Variants in AGMO observed in about 807,000 individuals in gnomAD.
AGMO encodes the protein glyceryl-ether monooxygenase.
AGMO carries 75 observed loss-of-function variants against 60.2 expected under a neutral mutation model. That is an observed-to-expected ratio of 1.25 (90% CI 1.03 to 1.51). The LOEUF is 1.51. AGMO is among the 40% of genes most tolerant of loss of function. AGMO has a pLI of 0.00. For missense variants in AGMO, 763 were observed against 525.5 expected, an observed-to-expected ratio of 1.45 and a Z score of -4.42; for synonymous variants, 261 against 177.1, an observed-to-expected ratio of 1.47 and a Z score of -3.76.
chr7:15,220,038 GC>G (rs1414447642), intron 12 of AGMO, among the ~76,000 whole-genome samples: 1 of 151,788 alleles, frequency 6.6e-6, no homozygotes, highest in Non-Finnish European at 1.5e-5. Context: ...TTGAAGGCAG[GC>G]CTCAATGATA....
intron 12 of AGMO, among the ~76,000 whole-genome samples, chr7:15,213,367 T>C (rs886329922): frequency 6.6e-5 from 10 of 151,728 alleles, no homozygotes; most frequent in Admixed American, 3.3e-4. Flanking sequence ...AATGCGAGGG[T>C]AGAAATAGAA....
chr7:15,535,330 G>C (rs930017682), intron 3 of AGMO, among the ~76,000 whole-genome samples: 1 of 151,710 alleles, frequency 6.6e-6, no homozygotes. Context: ...AGGAATGGGG[G>C]GGCATACTCT....
chr7:15,475,343 A>G (rs553715179), intron 3 of AGMO, among the ~76,000 whole-genome samples: 1 of 152,270 alleles, frequency 6.6e-6, no homozygotes, highest in Non-Finnish European at 1.5e-5. Context: ...CATATACACC[A>G]TGTAATACTA....
chr7:15,286,751 A>G (rs912379885), intron 12 of AGMO, among the ~76,000 whole-genome samples: 1 of 152,140 alleles, frequency 6.6e-6, no homozygotes, highest in Admixed American at 6.5e-5. Flanking sequence ...ATAAGATATT[A>G]TATCAAAAAG....
At chr7:15,227,875 G>A (rs1782137090) in intron 12 of AGMO, among the ~76,000 whole-genome samples, 1 of 152,038 alleles carries the variant, frequency 6.6e-6, no homozygotes, top group African/African-American at 2.4e-5. Context: ...CTGCCTCTTT[G>A]TAGGTCAACT....
At chr7:15,522,878 G>A (rs1784036688) in intron 3 of AGMO, among the ~76,000 whole-genome samples, 1 of 152,076 alleles carries the variant, frequency 6.6e-6, no homozygotes, top group Admixed American at 6.6e-5. Flanking sequence ...CTTCTGCACA[G>A]CAAAAGAAAC....
chr7:15,340,038 T>C (rs959114736), intron 12 of AGMO, among the ~76,000 whole-genome samples: 11 of 152,190 alleles, frequency 7.2e-5, no homozygotes, highest in Admixed American at 6.5e-4. Flanking sequence ...CTTATCCAAG[T>C]TGCTTGAGAC....
chr7:15,340,071 AT>A (rs1353308922), intron 12 of AGMO, among the ~76,000 whole-genome samples: 1 of 152,114 alleles, frequency 6.6e-6, no homozygotes, highest in African/African-American at 2.4e-5. Flanking sequence ...GAAGTTTCCG[AT>A]TTTTTTGGAT....
chr7:15,492,050 C>A (rs769398366), intron 3 of AGMO, among the ~76,000 whole-genome samples: 14 of 152,182 alleles, frequency 9.2e-5, no homozygotes, highest in Non-Finnish European at 1.8e-4. Context: ...GCAACACCAA[C>A]AGTGGTAGCA....
intron 12 of AGMO, among the ~76,000 whole-genome samples, chr7:15,223,124 G>T (rs1197747709): frequency 1.3e-5 from 2 of 151,604 alleles, no homozygotes; most frequent in East Asian, 3.9e-4. Context: ...ATAACAATTA[G>T]AATACAATAA....
At chr7:15,231,204 G>A (rs969852881) in intron 12 of AGMO, among the ~76,000 whole-genome samples, 66 of 152,260 alleles carry the variant, frequency 4.3e-4, no homozygotes, top group African/African-American at 1.3e-3. Context: ...GATGGTTCTA[G>A]TAGGGCAAAT....
the AGMO span, among the ~76,000 whole-genome samples, chr7:15,130,881 T>G: frequency 6.6e-6 from 1 of 152,168 alleles, no homozygotes; most frequent in Non-Finnish European, 1.5e-5. Context: ...CATTTTTTTC[T>G]TGAGCATTCC....
intron 3 of AGMO, among the ~76,000 whole-genome samples, chr7:15,446,678 C>T (rs1047152094): frequency 6.6e-5 from 10 of 152,202 alleles, no homozygotes; most frequent in Non-Finnish European, 7.3e-5. Context: ...AAACAACCAA[C>T]ATGGCAATTT....
intron 3 of AGMO, among the ~76,000 whole-genome samples, chr7:15,451,474 A>G (rs1781853745): frequency 6.6e-6 from 1 of 152,144 alleles, no homozygotes; most frequent in Non-Finnish European, 1.5e-5. Flanking sequence ...GAGGCTGGGA[A>G]TTCTAAGATG....
intron 12 of AGMO, among the ~76,000 whole-genome samples, chr7:15,319,404 T>A (rs553901537): frequency 3.5e-4 from 53 of 152,106 alleles, no homozygotes; most frequent in Non-Finnish European, 5.6e-4. Context: ...GAGGCCCTCA[T>A]AAAACAACCC....
chr7:15,394,475 C>G (rs1784289427), intron 5 of AGMO, among the ~76,000 whole-genome samples: 1 of 152,114 alleles, frequency 6.6e-6, no homozygotes, highest in African/African-American at 2.4e-5. Flanking sequence ...GGGGAAACGA[C>G]TAGGTTTTCA....
chr7:15,258,595 T>C (rs1004040045), intron 12 of AGMO, among the ~76,000 whole-genome samples: 2 of 152,074 alleles, frequency 1.3e-5, no homozygotes, highest in Non-Finnish European at 2.9e-5. Flanking sequence ...AAAATTCCAC[T>C]TCCTGGCTGA....
intron 4 of AGMO, among the ~76,000 whole-genome samples, chr7:15,429,506 G>A (rs1394967557): frequency 6.6e-6 from 1 of 151,964 alleles, no homozygotes; most frequent in East Asian, 1.9e-4. Context: ...CATTGCCCTG[G>A]CAGTACCTTG....
chr7:15,315,835 AC>A (rs1201267726), intron 12 of AGMO, among the ~76,000 whole-genome samples: 1 of 152,184 alleles, frequency 6.6e-6, no homozygotes, highest in African/African-American at 2.4e-5. Flanking sequence ...AGAGAAAAAA[AC>A]ATTTATTGCA....
Sources: gnomAD v4.1 joint callset for allele counts (sites outside exome capture counted in the v4.1 genomes callset) on GRCh38, gnomAD v4.1.1 for gene constraint, MANE v1.5 for transcripts, NCBI Gene and HGNC (gene_info 2026-07-23, HGNC 2026-07-21) for gene names.